Variants in NSMCE2 observed in about 807,000 individuals in gnomAD.
The protein encoded by NSMCE2 is NSE2 SUMO ligase component of SMC5/6 complex.
In NSMCE2, 24 loss-of-function variants were observed where a neutral mutation model predicts 23.8. That is an observed-to-expected ratio of 1.01 (90% CI 0.73 to 1.42). NSMCE2 has a LOEUF of 1.42. NSMCE2 is among the 40% of genes most tolerant of loss of function. The pLI is 0.00. For missense variants in NSMCE2, 284 were observed against 296.5 expected, an observed-to-expected ratio of 0.96 and a Z score of 0.31; for synonymous variants, 92 against 94.1, an observed-to-expected ratio of 0.98 and a Z score of 0.13.
intron 5 of NSMCE2, among the ~76,000 whole-genome samples, chr8:125,214,528 AC>A (rs1293417514): frequency 6.6e-6 from 1 of 152,156 alleles, no homozygotes; most frequent in African/African-American, 2.4e-5. Flanking sequence ...TTTGCCACAG[AC>A]CAACCCCTTT....
At chr8:125,155,285 C>G (rs1003007576) in intron 4 of NSMCE2, among the ~76,000 whole-genome samples, 1 of 152,174 alleles carries the variant, frequency 6.6e-6, no homozygotes, top group Non-Finnish European at 1.5e-5. Flanking sequence ...AGATTCAAGT[C>G]AAATGAGTCT....
chr8:125,322,228 TGTG>T (rs1829487945), intron 5 of NSMCE2, among the ~76,000 whole-genome samples: 1 of 151,804 alleles, frequency 6.6e-6, no homozygotes, highest in Admixed American at 6.6e-5. Context: ...ATTAGCCAGG[TGTG>T]GTGGTGGGTA....
In NSMCE2 at chr8:125,354,113, G is replaced by A. The variant is rs183374833; in HGVS notation, c.419-3106G>A. ...CGCCCAGCTAATTTTTGTATTTTTA[G>A]TAGAGAAGGGGTTTCACCATGTTGG... On this transcript the variant is annotated intron_variant, in intron 5 of 7. Transcript: ENST00000287437. Among the ~76,000 whole-genome samples, 464 of 151,730 alleles carry A rather than the reference G, an allele frequency of 3.1e-3. 4 individuals carry two copies. Among genetic ancestry groups the A allele is most frequent in the African/African-American group, 0.011 (451 of 41,404 alleles).
chr8:125,302,154 G>A (rs530743210), intron 5 of NSMCE2, among the ~76,000 whole-genome samples: 1 of 152,002 alleles, frequency 6.6e-6, no homozygotes, highest in Admixed American at 6.5e-5. Flanking sequence ...ATGGGGTTTT[G>A]CCATGTTGGC....
chr8:125,320,251 GGGAAGGAA>G (rs1184148348), intron 5 of NSMCE2, among the ~76,000 whole-genome samples: 2,224 of 58,146 alleles, frequency 0.038, 57 homozygotes, highest in East Asian at 0.066. Flanking sequence ...GAGGGAGGGA[GGGAAGGAA>G]GGAAGGAAGG....
intron 1 of NSMCE2, among the ~76,000 whole-genome samples, chr8:125,101,756 A>G (rs573828807): frequency 6.6e-6 from 1 of 152,364 alleles, no homozygotes; most frequent in Non-Finnish European, 1.5e-5. Context: ...AGACAAGTTT[A>G]TACAGAAATT....
chr8:125,211,614 T>C (rs1431980818), intron 5 of NSMCE2, among the ~76,000 whole-genome samples: 2 of 152,214 alleles, frequency 1.3e-5, no homozygotes, highest in Non-Finnish European at 2.9e-5. Flanking sequence ...GTGGGATTAC[T>C]GAGTCAAAGG....
chr8:125,281,251 A>T (rs1827681684), intron 5 of NSMCE2, among the ~76,000 whole-genome samples: 1 of 152,214 alleles, frequency 6.6e-6, no homozygotes, highest in Non-Finnish European at 1.5e-5. Flanking sequence ...ATGTTGGCCC[A>T]ATTTGTAATT....
At chr8:125,204,702 A>G (rs1824036864) in intron 5 of NSMCE2, among the ~76,000 whole-genome samples, 1 of 152,294 alleles carries the variant, frequency 6.6e-6, no homozygotes, top group East Asian at 1.9e-4. Context: ...GAGATGGGTA[A>G]GAATTATGCC....
At chr8:125,366,743 A>G in intron 7 of NSMCE2, 25 bp from the exon 8 acceptor site, 1 of 1,348,720 alleles carries the variant, frequency 7.4e-7, no homozygotes, top group Non-Finnish European at 1.1e-6. Flanking sequence ...AAGGGGACTG[A>G]CTTGATGTTC....
intron 5 of NSMCE2, among the ~76,000 whole-genome samples, chr8:125,256,922 CAAAAAAAAAAAAAAAAAAA>C (rs60308659): frequency 0.029 from 768 of 26,066 alleles, 22 homozygotes; most frequent in African/African-American, 0.072. Flanking sequence ...GACTCTGTGT[CAAAAAAAAAAAAAAAAAAA>C]AAAAAAAAAA....
chr8:125,251,072 A>G (rs1401341799), intron 5 of NSMCE2, among the ~76,000 whole-genome samples: 1 of 152,224 alleles, frequency 6.6e-6, no homozygotes, highest in African/African-American at 2.4e-5. Flanking sequence ...AGGACTGCAA[A>G]TGATCTGAAT....
intron 5 of NSMCE2, among the ~76,000 whole-genome samples, chr8:125,338,958 A>G (rs1422678828): frequency 3.3e-5 from 5 of 152,230 alleles, no homozygotes; most frequent in African/African-American, 1.2e-4. Flanking sequence ...TACAGTTGAC[A>G]TGAAGGTCAA....
chr8:125,207,153 G>GA (rs1824149279), intron 5 of NSMCE2, among the ~76,000 whole-genome samples: 1 of 147,262 alleles, frequency 6.8e-6, no homozygotes, highest in Non-Finnish European at 1.5e-5. Flanking sequence ...GAATTCACCA[G>GA]TTTTTTTTTT....
chr8:125,212,721 T>A (rs924989330), intron 5 of NSMCE2, among the ~76,000 whole-genome samples: 7 of 152,226 alleles, frequency 4.6e-5, no homozygotes, highest in Middle Eastern at 3.2e-3. Context: ...TAACATTTTT[T>A]AAATGTAGGA....
chr8:125,352,513 C>T (rs1392936153), intron 5 of NSMCE2, among the ~76,000 whole-genome samples: 1 of 151,896 alleles, frequency 6.6e-6, no homozygotes, highest in African/African-American at 2.4e-5. Context: ...CAGAGGAGCT[C>T]CCAGAACCAA....
chr8:125,170,376 CTTTT>C lies in NSMCE2; in HGVS notation c.265-11691_265-11688del, dbSNP rs565593006. ...CATCAATAAACCTTACTCTTTATTTCTTTTTTTTTTTTTTTTTTTTTTTTTTTTT... is the reference window on the plus strand; with the variant it reads ...CATCAATAAACCTTACTCTTTATTTCTTTTTTTTTTTTTTTTTTTTTTTTT... On this transcript the variant is annotated intron_variant, in intron 4 of 7. Transcript: ENST00000287437. Among the ~76,000 whole-genome samples, 258 of 37,752 alleles carry C rather than the reference CTTTT, an allele frequency of 6.8e-3. 1 individual carries two copies. The highest frequency in any genetic ancestry group is 0.012 in the African/African-American group (138 of 11,872). The allele number at this position is 37,752 out of a possible 152,430, so 24.8% of individuals were successfully genotyped here. A position where few individuals can be genotyped will look rare whatever the true frequency, so the allele number is the denominator to read the frequency against.
intron 5 of NSMCE2, among the ~76,000 whole-genome samples, chr8:125,289,725 G>A (rs970205439): frequency 1.3e-5 from 2 of 152,152 alleles, no homozygotes; most frequent in Non-Finnish European, 2.9e-5. Context: ...CACCTACCTC[G>A]AATTTAAAGC....
intron 5 of NSMCE2, among the ~76,000 whole-genome samples, chr8:125,234,374 G>A (rs1323776806): frequency 3.3e-5 from 5 of 152,176 alleles, no homozygotes; most frequent in Admixed American, 2.6e-4. Flanking sequence ...ACAGTTATCT[G>A]TATTTTTCAG....
Sources: gnomAD v4.1 joint callset for allele counts (sites outside exome capture counted in the v4.1 genomes callset) on GRCh38, gnomAD v4.1.1 for gene constraint, MANE v1.5 for transcripts, NCBI Gene and HGNC (gene_info 2026-07-23, HGNC 2026-07-21) for gene names.